Variants in CUL5 observed in about 807,000 individuals in gnomAD.
The protein encoded by CUL5 is cullin 5.
In CUL5, 26 loss-of-function variants were observed where a neutral mutation model predicts 108.8. The ratio of observed to expected loss-of-function variants is 0.24; its 90% CI spans 0.18 to 0.33. The LOEUF is 0.33. Ranked by LOEUF, CUL5 falls within the 10% of genes least tolerant of loss-of-function variation. The pLI is 1.00. For synonymous variants in CUL5, 334 were observed against 298.0 expected (o/e 1.12, Z -1.25); for missense variants, 524 against 909.2 (o/e 0.58, Z 5.45).
intron 16 of CUL5, among the ~76,000 whole-genome samples, chr11:108,096,714 G>T (rs1864510508): frequency 6.6e-6 from 1 of 150,974 alleles, no homozygotes; most frequent in Admixed American, 6.6e-5. Flanking sequence ...TTACAGGCAT[G>T]TGCCACCACA....
intron 13 of CUL5, among the ~76,000 whole-genome samples, chr11:108,092,384 A>T (rs1864382865): frequency 6.6e-6 from 1 of 152,240 alleles, no homozygotes; most frequent in African/African-American, 2.4e-5. Context: ...AACATGTTTC[A>T]TGTAAAAACT....
intron 11 of CUL5, among the ~76,000 whole-genome samples, chr11:108,085,790 G>A (rs1864206728): frequency 6.6e-6 from 1 of 152,156 alleles, no homozygotes; most frequent in African/African-American, 2.4e-5. Flanking sequence ...GGAGGTGAGA[G>A]GAGGATAGCT....
chr11:108,067,249 GTTATAA>G (rs1182096332), intron 7 of CUL5, among the ~76,000 whole-genome samples: 3 of 152,144 alleles, frequency 2.0e-5, no homozygotes, highest in Non-Finnish European at 2.9e-5. Context: ...AAGGATACCT[GTTATAA>G]TAATTTGTTT....
intron 11 of CUL5, among the ~76,000 whole-genome samples, chr11:108,081,632 G>C (rs554526903): frequency 1.6e-4 from 25 of 151,746 alleles, no homozygotes; most frequent in Non-Finnish European, 2.9e-4. Context: ...GGCACCTGTA[G>C]TCCCAGCTAC....
intron 13 of CUL5, among the ~76,000 whole-genome samples, chr11:108,091,140 C>A (rs1170165418): frequency 6.6e-6 from 1 of 151,934 alleles, no homozygotes; most frequent in Non-Finnish European, 1.5e-5. Flanking sequence ...AAACCTCTGT[C>A]TCCCAGATTC....
intron 11 of CUL5, among the ~76,000 whole-genome samples, chr11:108,078,736 A>G (rs1863999347): frequency 6.6e-6 from 1 of 152,198 alleles, no homozygotes; most frequent in African/African-American, 2.4e-5. Flanking sequence ...GGTTAGTTAA[A>G]AAAAGTCTTT....
At chr11:108,077,630 CAA>C (rs35289099) in intron 10 of CUL5, among the ~76,000 whole-genome samples, 7 of 136,630 alleles carry the variant, frequency 5.1e-5, no homozygotes, top group African/African-American at 5.6e-5. Context: ...ACTCTGTCTC[CAA>C]AAAAAAAAAA....
chr11:108,099,960 C>A (rs1218417115), intron 18 of CUL5, among the ~76,000 whole-genome samples: 1 of 150,346 alleles, frequency 6.7e-6, no homozygotes, highest in African/African-American at 2.5e-5. Context: ...TTCCCAGTAG[C>A]TGGGACTACA....
chr11:108,052,349 C>G (rs562222807), intron 4 of CUL5, among the ~76,000 whole-genome samples: 1 of 152,292 alleles, frequency 6.6e-6, no homozygotes, highest in Non-Finnish European at 1.5e-5. Context: ...GGGTCTTACT[C>G]TGTCACCCAG....
At chr11:108,088,777 T>C (rs1240966408) in intron 12 of CUL5, 118 bp downstream of exon 12, 7 of 786,724 alleles carry the variant, frequency 8.9e-6, no homozygotes, top group African/African-American at 7.3e-5. Flanking sequence ...AAAGAACTAA[T>C]GTTACGAAGA....
chr11:108,048,282 T>G (rs1664294825), intron 3 of CUL5, among the ~76,000 whole-genome samples: 1 of 151,732 alleles, frequency 6.6e-6, no homozygotes, highest in Admixed American at 6.6e-5. Flanking sequence ...TAAACATAGG[T>G]GGAGTCTTTT....
chr11:108,095,491 A>G (rs1023736030), intron 15 of CUL5, 39 bp from the exon 16 acceptor site: 2 of 1,338,544 alleles, frequency 1.5e-6, no homozygotes, highest in African/African-American at 3.0e-5. Context: ...GAGAATCATC[A>G]TGAGATTCTT....
Position 108,054,949 on chromosome 11 carries a change from T to G in CUL5, c.774T>G (p.Val258=), listed in dbSNP as rs1203494999. 6.3e-7 allele frequency: 1 copy of G among 1,596,180 alleles called. No individual in the cohort carries two copies. The highest frequency in any genetic ancestry group is 1.3e-5 in the African/African-American group (1 of 74,216). ...YLETRRECNS[V]EALMECCVNA... is the part of the protein sequence containing the mutation. ...AAACAAGACGAGAATGTAACTCCGT[T>G]GAAGCAGTAAGTAATTTTGTAATTG... The change falls in exon 7 of 19, where the codon GTT becomes GTG. Residue 258 remains valine (V), a synonymous_variant. Coordinates refer to ENST00000393094, the MANE Select transcript of CUL5 (RefSeq NM_003478.6).
intron 1 of CUL5, among the ~76,000 whole-genome samples, chr11:108,014,284 G>A (rs1424826033): frequency 6.6e-6 from 1 of 152,180 alleles, no homozygotes; most frequent in East Asian, 1.9e-4. Flanking sequence ...TGTGGCTGCA[G>A]TGTAAGCAGG....
At chr11:108,045,101 CT>C (rs1451001832) in intron 2 of CUL5, among the ~76,000 whole-genome samples, 2 of 152,120 alleles carry the variant, frequency 1.3e-5, no homozygotes, top group Non-Finnish European at 2.9e-5. Context: ...TCTGAACATG[CT>C]GTACTAGTAT....
chr11:108,034,366 AT>A (rs1201226035), intron 2 of CUL5, among the ~76,000 whole-genome samples: 7 of 152,196 alleles, frequency 4.6e-5, no homozygotes, highest in African/African-American at 1.7e-4. Flanking sequence ...CTCTCTCAAC[AT>A]GTACCAAAAT....
intron 1 of CUL5, among the ~76,000 whole-genome samples, chr11:108,011,891 G>C (rs1485211133): frequency 6.6e-6 from 1 of 152,228 alleles, no homozygotes; most frequent in African/African-American, 2.4e-5. Flanking sequence ...CTCTCAAAGT[G>C]CTGGGATTAT....
rs560601905 is a variant in CUL5 at position 108,013,687 on chromosome 11, C to T, written c.24+4315C>T. On this transcript the variant is annotated intron_variant, in intron 1 of 18. Transcript: ENST00000393094. ...ACCACAAGATAAATCAAACTTTAAA[C>T]TGAAATATGATTCATACTACTTTTC... Among the ~76,000 whole-genome samples, 3 of 152,228 alleles carry T rather than the reference C, an allele frequency of 2.0e-5. No homozygotes were observed. The South Asian group carries it at 6.2e-4, about 32-fold the overall frequency.
At chr11:108,067,784 A>G (rs1445466969) in intron 7 of CUL5, among the ~76,000 whole-genome samples, 1 of 152,176 alleles carries the variant, frequency 6.6e-6, no homozygotes, top group Non-Finnish European at 1.5e-5. Context: ...ATCTGGTTTC[A>G]CTGCTTAAGG....
Sources: allele counts gnomAD v4.1 joint callset (sites outside exome capture counted in the v4.1 genomes callset), GRCh38; gene constraint gnomAD v4.1.1; transcripts MANE v1.5; gene names NCBI Gene and HGNC (gene_info 2026-07-23, HGNC 2026-07-21).